AGBL5: variants seen among roughly 807,000 people sequenced by gnomAD.
AGBL5 encodes cytosolic carboxypeptidase-like protein 5.
A neutral mutation model predicts 88.0 loss-of-function variants in AGBL5; 51 were observed. The observed-to-expected ratio is 0.58, with a 90% CI of 0.46 to 0.73. The LOEUF is 0.73. AGBL5 is among the 30% of genes least tolerant of loss of function. AGBL5 has a pLI of 0.00. For synonymous variants in AGBL5, 446 were observed against 438.8 expected (o/e 1.02, Z -0.21); for missense variants, 1,031 against 1,162.2 (o/e 0.89, Z 1.64).
At chr2:27,068,768 T>C in intron 13 of AGBL5, 24 bp downstream of exon 13, 3 of 1,612,952 alleles carry the variant, frequency 1.9e-6, no homozygotes, top group South Asian at 2.2e-5. Context: ...GTCTCCAGCA[T>C]AGCTACTCTG....
intron 11 of AGBL5, among the ~76,000 whole-genome samples, chr2:27,059,849 A>G (rs1668625070): frequency 6.6e-6 from 1 of 152,182 alleles, no homozygotes; most frequent in Admixed American, 6.5e-5. Flanking sequence ...TTCAGAGCTC[A>G]TTAAGGAAGT....
At chr2:27,068,149 A>AC (rs764967098) in intron 12 of AGBL5, among the ~76,000 whole-genome samples, 6 of 152,180 alleles carry the variant, frequency 3.9e-5, no homozygotes, top group Non-Finnish European at 8.8e-5. Flanking sequence ...AACATGTTCT[A>AC]CCTCATTCAA....
intron 4 of AGBL5, 135 bp downstream of exon 4, chr2:27,054,194 T>C: frequency 4.5e-6 from 5 of 1,108,824 alleles, no homozygotes; most frequent in Non-Finnish European, 6.3e-6. Context: ...CAGACAGGAC[T>C]TTGGGTACCT....
In AGBL5 at chr2:27,067,491, C is replaced by CA. The variant is rs1572835267; in HGVS notation, c.2090-2dup. On this transcript the variant is annotated splice_polypyrimidine_tract_variant and splice_region_variant and intron_variant, in intron 11 of 14. Transcript: ENST00000360131. ...TTTATCTGCTTGTATCTCTTCCACT[C>CA]AGAGCCCCGAAGCCAGGACAGGAGA... is the stretch of plus-strand genomic sequence containing the variant. 9 of 1,613,684 alleles carry CA rather than the reference C, an allele frequency of 5.6e-6. No homozygotes were observed. In the East Asian group the frequency reaches 2.0e-4, roughly 36 times the overall value.
chr2:27,051,013 G>C (rs1668082930), upstream of AGBL5: 1 of 152,240 alleles, frequency 6.6e-6, no homozygotes, highest in African/African-American at 2.4e-5. Flanking sequence ...CGCTCTTTCT[G>C]CGTTCAATGT....
chr2:27,056,547 C>A, intron 7 of AGBL5, 76 bp from the exon 8 acceptor site: 1 of 1,321,918 alleles, frequency 7.6e-7, no homozygotes, highest in Non-Finnish European at 1.0e-6. Flanking sequence ...GTCACATGGT[C>A]ACATACTTGC....
intron 11 of AGBL5, among the ~76,000 whole-genome samples, chr2:27,062,146 G>T (rs570160575): frequency 8.8e-6 from 1 of 113,828 alleles, no homozygotes; most frequent in African/African-American, 3.5e-5. Flanking sequence ...TTTTTGAGAC[G>T]GAATTTCACT....
chr2:27,053,284 G>A lies in AGBL5; in HGVS notation c.215+111G>A, dbSNP rs1668267016. 1.3e-5 allele frequency: 20 copies of A among 1,519,934 alleles called. No homozygotes were observed. Among genetic ancestry groups the A allele is most frequent in the Non-Finnish European group, 1.6e-5 (18 of 1,122,498 alleles). The allele number at this position is 1,519,934 out of a possible 1,614,324, so 94.2% of individuals were successfully genotyped here. A position where few individuals can be genotyped will look rare whatever the true frequency, so the allele number is the denominator to read the frequency against. Reference sequence around the variant, plus strand: ...ACTCCCTGTCCATTTCTGACCCATCGTCCCTCCTTTCTCCTTGCCAAATAG... The same window carrying A: ...ACTCCCTGTCCATTTCTGACCCATCATCCCTCCTTTCTCCTTGCCAAATAG... On this transcript the variant is annotated intron_variant, in intron 2 of 14. Transcript: ENST00000360131. The surrounding 1 kb of genome is among the most constrained non-coding windows in gnomAD (Gnocchi z 4.9).
At chr2:27,062,602 T>G (rs1362732559) in intron 11 of AGBL5, 3 of 152,156 alleles carry the variant, frequency 2.0e-5, no homozygotes, top group Non-Finnish European at 4.4e-5. Context: ...GACTTGAAAC[T>G]TAATAGGGGA....
rs1668253425 is a variant in AGBL5, at chr2:27,053,084, G to A, written c.126G>A (p.Leu42=). The change falls in exon 2 of 15, where the codon CTG becomes CTA. Residue 42 remains leucine (L), a synonymous_variant. Transcript: ENST00000360131. The surrounding 1 kb of genome is among the most constrained non-coding windows in gnomAD (Gnocchi z 4.9). ...GEGVGGGASA[L]TSGIASSPDY... ...GGGTAGGAGGTGGGGCGTCAGCCCT[G>A]ACCAGTGGCATTGCCTCTTCCCCTG... The A allele has an allele frequency of 6.2e-7, 1 of 1,613,554 alleles. No individual in the cohort carries two copies. The highest frequency in any genetic ancestry group is 8.5e-7 in the Non-Finnish European group (1 of 1,179,744).
At chr2:27,067,192 G>A (rs1669029416) in intron 11 of AGBL5, among the ~76,000 whole-genome samples, 4 of 150,988 alleles carry the variant, frequency 2.6e-5, no homozygotes, top group Admixed American at 1.3e-4. Context: ...GCTGAGGCTC[G>A]GTGAGCCATG....
chr2:27,050,740 T>G (rs887871548), upstream of AGBL5, among the ~76,000 whole-genome samples: 3 of 152,198 alleles, frequency 2.0e-5, no homozygotes, highest in Admixed American at 1.3e-4. Context: ...GAGGTTGCGG[T>G]AAGCATTAGA....
chr2:27,060,103 C>T lies in AGBL5; in HGVS notation c.2089+699C>T, dbSNP rs542879557. Among the ~76,000 whole-genome samples the T allele has an allele frequency of 2.6e-5, 4 of 152,322 alleles. No homozygotes were observed. In the East Asian group the frequency reaches 5.8e-4, roughly 22 times the overall value. On this transcript the variant is annotated intron_variant, in intron 11 of 14. Transcript: ENST00000360131. ...GGCAGAAGTTGCAGTGAGCCAAGATCGTGCCACTGCACTCCAGCCTGGGCA... is the reference window on the plus strand; with the variant it reads ...GGCAGAAGTTGCAGTGAGCCAAGATTGTGCCACTGCACTCCAGCCTGGGCA...
intron 13 of AGBL5, 140 bp downstream of exon 13, chr2:27,068,884 T>C: frequency 6.7e-7 from 1 of 1,498,310 alleles, no homozygotes. Context: ...CTCTGGTGCC[T>C]GAGTGCCTGT....
In AGBL5 at chr2:27,058,471, A is replaced by G. The variant is rs1420769467; in HGVS notation, c.1743A>G (p.Ser581=). ...ECNPWPRIVL[S]EHSSLTNLRA... Reference sequence around the variant, plus strand: ...ATCCGTGGCCCCGAATTGTACTGTCAGAGCACAGCAGCCTTACTAATCTAC... The same window carrying G: ...ATCCGTGGCCCCGAATTGTACTGTCGGAGCACAGCAGCCTTACTAATCTAC... The change falls in exon 10 of 15, where the codon TCA becomes TCG. Residue 581 remains serine (S), a synonymous_variant. Transcript: ENST00000360131. 6.2e-7 allele frequency: 1 copy of G among 1,614,142 alleles called. No homozygotes were observed. Among genetic ancestry groups the G allele is most frequent in the Non-Finnish European group, 8.5e-7 (1 of 1,180,038 alleles).
chr2:27,059,969 C>T (rs770084249), intron 11 of AGBL5, among the ~76,000 whole-genome samples: 9 of 152,016 alleles, frequency 5.9e-5, no homozygotes, highest in Admixed American at 2.0e-4. Flanking sequence ...GCCAACATGG[C>T]GAAACCCCGT....
At chr2:27,064,280 A>C (rs901601175) in intron 11 of AGBL5, among the ~76,000 whole-genome samples, 11 of 150,690 alleles carry the variant, frequency 7.3e-5, no homozygotes, top group Non-Finnish European at 1.6e-4. Context: ...CTAGCCCCCT[A>C]ACATCTGGTT....
At chr2:27,067,471 C>G in intron 11 of AGBL5, 23 bp from the exon 12 acceptor site, 1 of 1,604,994 alleles carries the variant, frequency 6.2e-7, no homozygotes. Context: ...GCCCTTTTAT[C>G]TGCTTGTATC....
intron 11 of AGBL5, among the ~76,000 whole-genome samples, chr2:27,065,687 C>G (rs1475883154): frequency 4.6e-5 from 7 of 151,946 alleles, no homozygotes; most frequent in African/African-American, 9.7e-5. Context: ...GCCACACAAA[C>G]AAAGGATGAA....
Sources: gnomAD v4.1 joint callset for allele counts (sites outside exome capture counted in the v4.1 genomes callset) on GRCh38, gnomAD v4.1.1 for gene constraint, Gnocchi (gnomAD v3.1) non-coding constraint, MANE v1.5 for transcripts, NCBI Gene and HGNC (gene_info 2026-07-23, HGNC 2026-07-21) for gene names.